The following FAT1 variants were observed in gnomAD, a reference collection of about 807,000 sequenced individuals.
FAT1 encodes the protein FAT atypical cadherin 1, also known as protocadherin Fat 1.
FAT1 carries 171 observed loss-of-function variants against 329.8 expected under a neutral mutation model. That is an observed-to-expected ratio of 0.52 (90% CI 0.46 to 0.59). FAT1 has a LOEUF of 0.59. Ranked by LOEUF, FAT1 falls within the 20% of genes least tolerant of loss-of-function variation. FAT1 has a pLI of 0.00. For synonymous variants in FAT1, 2,233 were observed against 2,228.6 expected, an observed-to-expected ratio of 1.00 and a Z score of -0.06; for missense variants, 5,672 against 5,774.4, an observed-to-expected ratio of 0.98 and a Z score of 0.57.
chr4:186,686,344 T>C (rs1456243938), intron 2 of FAT1, among the ~76,000 whole-genome samples: 1 of 151,976 alleles, frequency 6.6e-6, no homozygotes, highest in Non-Finnish European at 1.5e-5. Flanking sequence ...GCAGTTTTTA[T>C]GAGATACCAG....
chr4:186,688,560 C>T (rs1334498563), intron 2 of FAT1, among the ~76,000 whole-genome samples: 4 of 151,918 alleles, frequency 2.6e-5, no homozygotes, highest in South Asian at 4.2e-4. Flanking sequence ...TTCAACAGCT[C>T]GGAAGAAATG....
intron 3 of FAT1, among the ~76,000 whole-genome samples, chr4:186,651,441 C>T: frequency 6.6e-6 from 1 of 152,326 alleles, no homozygotes; most frequent in Non-Finnish European, 1.5e-5. Context: ...CAGCATTTGT[C>T]TGTGTGAACT....
At chr4:186,595,237 A>G (rs926930611) in intron 26 of FAT1, among the ~76,000 whole-genome samples, 8 of 152,122 alleles carry the variant, frequency 5.3e-5, no homozygotes, top group Admixed American at 2.6e-4. Flanking sequence ...AAAACCTTGT[A>G]ATACCCAAGG....
At chr4:186,693,415 G>A (rs1181178173) in intron 2 of FAT1, among the ~76,000 whole-genome samples, 1 of 104,428 alleles carries the variant, frequency 9.6e-6, no homozygotes, top group African/African-American at 4.3e-5. Context: ...CAGTGGAGGA[G>A]TTCTGAGCCT....
chr4:186,719,028 G>C (rs1034262679), intron 1 of FAT1, among the ~76,000 whole-genome samples: 1 of 152,104 alleles, frequency 6.6e-6, no homozygotes, highest in African/African-American at 2.4e-5. Context: ...GCAATCCACA[G>C]GTATGAAAAA....
At chr4:186,673,106 ACTG>A (rs1742807502) in intron 2 of FAT1, among the ~76,000 whole-genome samples, 1 of 152,344 alleles carries the variant, frequency 6.6e-6, no homozygotes, top group Non-Finnish European at 1.5e-5. Context: ...ATATGATGCT[ACTG>A]CTGTTCAGAA....
Position 186,707,013 on chromosome 4 carries a change from C to A in FAT1, c.2815G>T (p.Asp939Tyr), listed in dbSNP as rs1339653408. The change falls in exon 2 of 27, where the codon GAT becomes TAT. Residue 939 changes from aspartate to tyrosine, a missense_variant. Transcript: ENST00000441802. ...ATGATGACGGTTCCTTCTGGAAGAT[C>A]CTCTCGGACTTTCACACGATAATTA... The part of the protein sequence containing the change: ...PPNYRVKVRE[D>Y]LPEGTVIMWL... The A allele has an allele frequency of 5.6e-6, 9 of 1,613,938 alleles. No individual in the cohort carries two copies. The highest frequency in any genetic ancestry group is 1.1e-5 in the South Asian group (1 of 91,064).
At position 186,707,216 on chromosome 4, in the gene FAT1, T is replaced by A; in HGVS notation, c.2612A>T (p.Asp871Val). ...GATGTTAACAACACCCGTCACGCTG[T>A]CAATTGAAAATGTGTCTGTGTCTGT... is the stretch of plus-strand genomic sequence containing the variant. ...IVTDTDTFSIDSVTGVVNIAR... is the reference protein window; with the variant it reads ...IVTDTDTFSIVSVTGVVNIAR... The change falls in exon 2 of 27, where the codon GAC (aspartate) becomes GTC (valine). Residue 871 changes from aspartate to valine, a missense_variant. Transcript: ENST00000441802. The A allele has an allele frequency of 6.2e-7, 1 of 1,613,912 alleles. No individual in the cohort carries two copies. The highest frequency in any genetic ancestry group is 8.5e-7 in the Non-Finnish European group (1 of 1,179,872).
rs376344008 is a variant in FAT1 at position 186,628,653 on chromosome 4, G to T, written c.4434C>A (p.Ile1478=). ...TTTTCTCATCCTGATCCACAGCACT[G>T]ATTTGCAAAATTTCTGTTTCTGGCG... is the stretch of plus-strand genomic sequence containing the variant. The part of the protein sequence containing the change: ...DTAPETEILQ[I]SAVDQDEKNK... Residue 1478 remains isoleucine, a synonymous_variant, in exon 8 of 27, where the codon ATC becomes ATA. Transcript: ENST00000441802. 5.0e-6 allele frequency: 8 copies of T among 1,613,990 alleles called. No homozygotes were observed. Among genetic ancestry groups the T allele is most frequent in the Non-Finnish European group, 6.8e-6 (8 of 1,179,904 alleles).
At chr4:186,722,628 C>T (rs189007530) in intron 1 of FAT1, among the ~76,000 whole-genome samples, 87 of 152,264 alleles carry the variant, frequency 5.7e-4, no homozygotes, top group African/African-American at 2.0e-3. Flanking sequence ...GACAGCATAA[C>T]CAAACTCATT....
At chr4:186,678,292 G>A (rs1311426765) in intron 2 of FAT1, among the ~76,000 whole-genome samples, 2 of 151,890 alleles carry the variant, frequency 1.3e-5, no homozygotes, top group East Asian at 1.9e-4. Context: ...TAAAATATAC[G>A]TATCGGAGAA....
chr4:186,719,759 AT>A lies in FAT1; in HGVS notation c.-19+3904del, dbSNP rs1483697899. ...CTCAAACCTTCATTTCTCAAAAGTT[AT>A]CCAAACTTGACATTTCTTTCTCAAT... On this transcript the variant is annotated intron_variant, in intron 1 of 26. Transcript: ENST00000441802. Among the ~76,000 whole-genome samples the A allele has an allele frequency of 3.9e-5, 6 of 152,346 alleles. No individual in the cohort carries two copies. In the South Asian group the frequency reaches 1.2e-3, roughly 32 times the overall value.
At chr4:186,710,962 A>C (rs1744921413) in intron 1 of FAT1, among the ~76,000 whole-genome samples, 1 of 152,250 alleles carries the variant, frequency 6.6e-6, no homozygotes, top group Non-Finnish European at 1.5e-5. Flanking sequence ...GAAGCAGGAC[A>C]GTTATTTTCA....
chr4:186,631,444 G>A (rs567144487), intron 7 of FAT1, among the ~76,000 whole-genome samples: 4 of 144,152 alleles, frequency 2.8e-5, no homozygotes, highest in South Asian at 2.2e-4. Flanking sequence ...GTGTCTCACC[G>A]TCCAGGTGAC....
In FAT1 at chr4:186,600,357, G is replaced by T; in HGVS notation, c.11644C>A (p.His3882Asn). Reference sequence around the variant, plus strand: ...AACTTGTACTGCAGCCTTCCATGATGAATCTAGGATAAAAGCAATGACTGT... The same window carrying T: ...AACTTGTACTGCAGCCTTCCATGATTAATCTAGGATAAAAGCAATGACTGT... ...RGTDYSILEIHHGRLQYKFDC... is the reference protein window; with the variant it reads ...RGTDYSILEINHGRLQYKFDC... The change falls in exon 22 of 27, where the codon CAT becomes AAT. Residue 3882 changes from histidine to asparagine, a missense_variant. By Grantham distance (68) the His-to-Asn change is moderately conservative. Transcript: ENST00000441802. The T allele has an allele frequency of 6.2e-7, 1 of 1,608,542 alleles. No homozygotes were observed. The highest frequency in any genetic ancestry group is 1.1e-5 in the South Asian group (1 of 89,952).
intron 2 of FAT1, among the ~76,000 whole-genome samples, chr4:186,700,851 G>A (rs761022464): frequency 2.0e-5 from 3 of 152,154 alleles, no homozygotes; most frequent in African/African-American, 7.2e-5. Flanking sequence ...ACTCAGTGTC[G>A]TGGTTATTAC....
Position 186,703,902 on chromosome 4 carries a change from A to G in FAT1, c.3265+2661T>C, listed in dbSNP as rs114848689. 8.4e-3 allele frequency among the ~76,000 whole-genome samples: 1,277 copies of G among 152,350 alleles called. 20 individuals carry two copies. The highest frequency in any genetic ancestry group is 0.029 in the African/African-American group (1,226 of 41,578). On this transcript the variant is annotated intron_variant, in intron 2 of 26. Transcript: ENST00000441802. The stretch of plus-strand genomic sequence containing the variant: ...TAATTAGCATGCCTAATTTTAGCCA[A>G]CAAAATATACTGATTTTTCCTAAAG...
In FAT1 at chr4:186,709,563, T is replaced by G. The variant is rs746791673; in HGVS notation, c.265A>C (p.Ile89Leu). 6.2e-7 allele frequency: 1 copy of G among 1,614,056 alleles called. No homozygotes were observed. Among genetic ancestry groups the G allele is most frequent in the Non-Finnish European group, 8.5e-7 (1 of 1,179,908 alleles). Residue 89 changes from isoleucine (I) to leucine (L), a missense_variant, in exon 2 of 27, where the codon ATT (isoleucine) becomes CTT (leucine). This residue lies in a region of FAT1 where 3,966 missense variants were observed against 3,915.2 expected (regional missense o/e 1.01). Transcript: ENST00000441802. ...CTTAGAAAGCAAAAGTCTCCGAGAA[T>G]GTACTCTTCAGCTTTGAACAGGTTT... ...SENLFKAEEY[I>L]LGDFCFLRIR...
rs199900333 is a variant in FAT1, at chr4:186,707,939, A to G, written c.1889T>C (p.Leu630Pro). The G allele has an allele frequency of 2.8e-4, 448 of 1,613,908 alleles. No homozygotes were observed. Among genetic ancestry groups the G allele is most frequent in the Non-Finnish European group, 3.5e-4 (418 of 1,179,904 alleles). ...CACCTTTGCACCTAAGCCATCCATT[A>G]GCGATCGCTTTAATGACAATACCCC... ...NSGVLSLKRS[L>P]MDGLGAKVSF... The change falls in exon 2 of 27, where the codon CTA (leucine) becomes CCA (proline). Residue 630 changes from leucine to proline, a missense_variant. Around this residue, in one of 2 missense-constraint regions of FAT1, gnomAD observed 3,966 missense variants for 3,915.2 expected, o/e 1.01. Coordinates refer to ENST00000441802, the MANE Select transcript of FAT1 (RefSeq NM_005245.4).
Sources: gnomAD v4.1 joint callset for allele counts (sites outside exome capture counted in the v4.1 genomes callset) on GRCh38, gnomAD v4.1.1 for gene constraint, gnomAD v4.1.1 regional missense constraint, MANE v1.5 for transcripts, NCBI Gene and HGNC (gene_info 2026-07-23, HGNC 2026-07-21) for gene names.